Variants in KCNJ6 observed in about 807,000 individuals in gnomAD.
KCNJ6 encodes G protein-activated inward rectifier potassium channel 2.
Under a neutral mutation model 34.2 loss-of-function variants are expected in KCNJ6, and 9 were observed. The observed-to-expected ratio is 0.26, with a 90% confidence interval of 0.16 to 0.46. KCNJ6 has a LOEUF of 0.46. KCNJ6 is among the 20% of genes least tolerant of loss of function. KCNJ6 has a pLI of 1.00. For missense variants in KCNJ6, 236 were observed against 531.3 expected (o/e 0.44, Z 5.46); for synonymous variants, 196 against 207.1 (o/e 0.95, Z 0.46).
chr21:37,819,080 A>G (rs2055361766), intron 2 of KCNJ6, among the ~76,000 whole-genome samples: 2 of 152,308 alleles, frequency 1.3e-5, no homozygotes, highest in African/African-American at 2.4e-5. Flanking sequence ...TTTCCAAATT[A>G]TTTGGTCTCA....
chr21:37,757,667 G>A (rs921686542), intron 2 of KCNJ6, among the ~76,000 whole-genome samples: 6 of 150,470 alleles, frequency 4.0e-5, no homozygotes, highest in African/African-American at 1.5e-4. Flanking sequence ...ACAGATTCCA[G>A]CCTGGAGAGA....
chr21:37,910,838 T>C (rs951639062), intron 1 of KCNJ6, among the ~76,000 whole-genome samples: 2 of 152,196 alleles, frequency 1.3e-5, no homozygotes, highest in East Asian at 1.9e-4. Flanking sequence ...ATTGGGAAAA[T>C]TGATTGATGG....
intron 2 of KCNJ6, among the ~76,000 whole-genome samples, chr21:37,800,951 C>T (rs2055266254): frequency 6.6e-6 from 1 of 152,152 alleles, no homozygotes; most frequent in Non-Finnish European, 1.5e-5. Context: ...GAACTGGATG[C>T]CTCTGCGGAG....
At chr21:37,780,787 AT>A (rs2055165655) in intron 2 of KCNJ6, among the ~76,000 whole-genome samples, 1 of 152,236 alleles carries the variant, frequency 6.6e-6, no homozygotes, top group East Asian at 1.9e-4. Flanking sequence ...CCTATTTTGC[AT>A]GATGCGATTA....
intron 3 of KCNJ6, among the ~76,000 whole-genome samples, chr21:37,668,649 C>A (rs1480095317): frequency 6.6e-6 from 1 of 152,200 alleles, no homozygotes; most frequent in African/African-American, 2.4e-5. Context: ...GTCTTCCTGT[C>A]TGAGCCTGGG....
At chr21:37,854,294 A>G (rs988202836) in intron 1 of KCNJ6, among the ~76,000 whole-genome samples, 9 of 152,208 alleles carry the variant, frequency 5.9e-5, no homozygotes, top group African/African-American at 9.6e-5. Context: ...ATTATTACAC[A>G]AAGTAGACTG....
intron 2 of KCNJ6, among the ~76,000 whole-genome samples, chr21:37,835,187 C>A (rs898457600): frequency 2.6e-5 from 4 of 152,180 alleles, no homozygotes; most frequent in Admixed American, 2.0e-4. Flanking sequence ...GCGGCCCCCA[C>A]TTACTGATGC....
chr21:37,911,392 A>G (rs1387836318), intron 1 of KCNJ6, among the ~76,000 whole-genome samples: 1 of 152,206 alleles, frequency 6.6e-6, no homozygotes, highest in Non-Finnish European at 1.5e-5. Flanking sequence ...ACCAAAGTTA[A>G]TAATTTTGTA....
At chr21:37,755,867 C>T (rs1330259298) in intron 2 of KCNJ6, among the ~76,000 whole-genome samples, 2 of 152,214 alleles carry the variant, frequency 1.3e-5, no homozygotes, top group Non-Finnish European at 2.9e-5. Context: ...TGCACCTTGG[C>T]CTTTGGTGGA....
chr21:37,765,163 T>C (rs2123498839), intron 2 of KCNJ6, among the ~76,000 whole-genome samples: 1 of 152,368 alleles, frequency 6.6e-6, no homozygotes, highest in South Asian at 2.1e-4. Flanking sequence ...GTCAATGTTC[T>C]TGGGGTTGTT....
At chr21:37,885,248 G>T (rs1221014525) in intron 1 of KCNJ6, among the ~76,000 whole-genome samples, 2 of 152,160 alleles carry the variant, frequency 1.3e-5, no homozygotes, top group African/African-American at 4.8e-5. Context: ...AGGTACAGTG[G>T]TGGGGAGCAG....
At chr21:37,626,326 G>A (rs1399593) in intron 3 of KCNJ6, among the ~76,000 whole-genome samples, 3,012 of 152,150 alleles carry the variant, frequency 0.02, 69 homozygotes, top group East Asian at 0.067. Flanking sequence ...TAGAGACGGA[G>A]TTTCATCGTG....
intron 3 of KCNJ6, among the ~76,000 whole-genome samples, chr21:37,668,395 C>T (rs374797532): frequency 2.6e-5 from 4 of 152,294 alleles, no homozygotes; most frequent in East Asian, 3.9e-4. Context: ...ATGCCCTCTC[C>T]TCCCTGGGTC....
Position 37,690,317 on chromosome 21 carries a change from A to G in KCNJ6, c.946+23894T>C, listed in dbSNP as rs748565329. On this transcript the variant is annotated intron_variant, in intron 3 of 3. Transcript: ENST00000609713. ...CCTTGAATCTGTATTGAAGTTTATAAAGCTTCAAGGACTTGTCAATGATAC... is the reference window on the plus strand; with the variant it reads ...CCTTGAATCTGTATTGAAGTTTATAGAGCTTCAAGGACTTGTCAATGATAC... 2.6e-5 allele frequency among the ~76,000 whole-genome samples: 4 copies of G among 152,334 alleles called. No homozygotes were observed. The South Asian group carries it at 6.2e-4, about 24-fold the overall frequency.
intron 2 of KCNJ6, among the ~76,000 whole-genome samples, chr21:37,835,945 A>T (rs1390953648): frequency 6.6e-6 from 1 of 152,192 alleles, no homozygotes; most frequent in Non-Finnish European, 1.5e-5. Context: ...TTCAAAGGGT[A>T]GTGTTAAAAA....
intron 3 of KCNJ6, among the ~76,000 whole-genome samples, chr21:37,701,635 A>G (rs890357343): frequency 4.6e-5 from 7 of 152,168 alleles, no homozygotes; most frequent in Non-Finnish European, 8.8e-5. Context: ...GGTAATAATT[A>G]AATTAATGAC....
chr21:37,730,928 G>T (rs571546074), intron 2 of KCNJ6, among the ~76,000 whole-genome samples: 1 of 152,196 alleles, frequency 6.6e-6, no homozygotes. Context: ...GCCCACAGGG[G>T]GAGTATTGAC....
intron 1 of KCNJ6, among the ~76,000 whole-genome samples, chr21:37,910,511 A>G (rs2055862198): frequency 2.0e-5 from 3 of 152,256 alleles, no homozygotes; most frequent in Non-Finnish European, 4.4e-5. Context: ...CTTCAGATTT[A>G]GTCCCACAGA....
chr21:37,660,057 G>A (rs1479759479), intron 3 of KCNJ6, among the ~76,000 whole-genome samples: 2 of 152,226 alleles, frequency 1.3e-5, no homozygotes, highest in African/African-American at 4.8e-5. Flanking sequence ...AGGCTGCCCT[G>A]GGGCAGGTGC....
Sources: allele counts gnomAD v4.1 joint callset (sites outside exome capture counted in the v4.1 genomes callset), GRCh38; gene constraint gnomAD v4.1.1; transcripts MANE v1.5; gene names NCBI Gene and HGNC (gene_info 2026-07-23, HGNC 2026-07-21).